The following MYH2 variants were observed in gnomAD, a reference collection of about 807,000 sequenced individuals.
MYH2 encodes the protein myosin heavy chain 2.
In MYH2, 139 loss-of-function variants were observed where a neutral mutation model predicts 228.1. The observed-to-expected ratio is 0.61, with a 90% CI of 0.53 to 0.70. The LOEUF is 0.70. Among genes scored for constraint, MYH2 ranks in the 30% least tolerant of loss-of-function variants. The pLI is 0.00. For synonymous variants in MYH2, 796 were observed against 871.1 expected, an observed-to-expected ratio of 0.91 and a Z score of 1.52; for missense variants, 1,809 against 2,357.5, an observed-to-expected ratio of 0.77 and a Z score of 4.82.
intron 4 of MYH2, 141 bp downstream of exon 4, chr17:10,547,334 A>C: frequency 8.8e-7 from 1 of 1,140,204 alleles, no homozygotes; most frequent in South Asian, 1.2e-5. Context: ...TTACGATAGC[A>C]ATCATGAAGC....
chr17:10,540,230 A>C (rs1167388969), intron 11 of MYH2, among the ~76,000 whole-genome samples, 164 bp from the exon 12 acceptor site: 1 of 152,176 alleles, frequency 6.6e-6, no homozygotes, highest in Non-Finnish European at 1.5e-5. Flanking sequence ...AGGCCAGCAC[A>C]GAGCATTAGA....
At position 10,523,156 on chromosome 17, in the gene MYH2, C is replaced by G. The variant is rs370387304; in HGVS notation, c.5607G>C (p.Arg1869Ser). The G allele has an allele frequency of 9.3e-6, 15 of 1,613,818 alleles. No individual in the cohort carries two copies. Among genetic ancestry groups the G allele is most frequent in the African/African-American group, 5.3e-5 (4 of 74,916 alleles). The change falls in exon 39 of 40, where the codon AGG becomes AGC. Residue 1869 changes from arginine to serine, a missense_variant. Physicochemically the swap from Arg to Ser is moderately radical, Grantham distance 110. Around this residue, in one of 9 missense-constraint regions of MYH2, gnomAD observed 278 missense variants for 308.5 expected, o/e 0.90. Transcript: ENST00000245503. ...QTEEDRKNIL[R>S]LQDLVDKLQA... ...GAAGTTTATCTACCAAATCTTGAAG[C>G]CTGAGAATATTCTTTCTATCTTCTT... is the stretch of plus-strand genomic sequence containing the variant.
At chr17:10,544,234 C>T in intron 5 of MYH2, 107 bp from the exon 6 acceptor site, 1 of 1,401,904 alleles carries the variant, frequency 7.1e-7, no homozygotes, top group South Asian at 1.2e-5. Flanking sequence ...GACTTTGCAA[C>T]CTTTAGGGCT....
rs369618095 is a variant in MYH2, at chr17:10,535,127, C to T, written c.2126G>A (p.Arg709His). The change falls in exon 19 of 40, where the codon CGC becomes CAC. Residue 709 changes from arginine (R) to histidine (H), a missense_variant. Transcript: ENST00000245503. ...LRCNGVLEGI[R>H]ICRKGFPSRI... is the part of the protein sequence containing the mutation. The stretch of plus-strand genomic sequence containing the variant: ...GCTTGGAAATCCTTTCCTACAGATG[C>T]GGATGCCTTCCAGCACACCGTTACA... The T allele has an allele frequency of 6.2e-6, 10 of 1,614,118 alleles. No individual in the cohort carries two copies. Among genetic ancestry groups the T allele is most frequent in the South Asian group, 1.1e-5 (1 of 91,082 alleles).
Position 10,525,124 on chromosome 17 carries a change from G to A in MYH2, c.4663-59C>T. 6.2e-7 allele frequency: 1 copy of A among 1,613,886 alleles called. No homozygotes were observed. The highest frequency in any genetic ancestry group is 8.5e-7 in the Non-Finnish European group (1 of 1,179,900). ...ACCAAAAGCTTTATGAAGTTTTTCT[G>A]CACAGCAATAATTTTGTGCTATGTG... On this transcript the variant is annotated intron_variant, in intron 33 of 39. Transcript: ENST00000245503. This position sits in a 1 kb window ranked among gnomAD's most constrained non-coding sequence, Gnocchi z 4.2.
Position 10,536,546 on chromosome 17 carries a change from A to T in MYH2, c.1958T>A (p.Val653Glu). The change falls in exon 17 of 40, where the codon GTG (valine) becomes GAG (glutamate). Residue 653 changes from valine to glutamate, a missense_variant. Val to Glu is a moderately radical substitution (Grantham distance 121). This residue lies in a region of MYH2 where 276 missense variants were observed against 344.2 expected (regional missense o/e 0.80). Transcript: ENST00000245503. ...CTTCCTTACTCTGAAAAGGGCAGAC[A>T]CTGTCTGGAAAGAAGAGCCCTTCTT... ...GKKKGSSFQT[V>E]SALFRENLNK... 1 of 1,613,888 alleles carries T rather than the reference A, an allele frequency of 6.2e-7. No individual in the cohort carries two copies. The highest frequency in any genetic ancestry group is 1.7e-5 in the Admixed American group (1 of 60,002).
In MYH2 at chr17:10,526,612, G is replaced by A; in HGVS notation, c.4174C>T (p.Leu1392=). The change falls in exon 30 of 40, where the codon CTG becomes TTG. Residue 1392 remains leucine (L), a synonymous_variant. Transcript: ENST00000245503. ...CTGTGCACATACTTGGCCTCCTCCA[G>A]CTCCTCTGTGCGCTGGATGGCGTCC... ...ETDAIQRTEE[L]EEAKKKLAQR... is the part of the protein sequence containing the mutation. 1 of 1,613,970 alleles carries A rather than the reference G, an allele frequency of 6.2e-7. No homozygotes were observed. Among genetic ancestry groups the A allele is most frequent in the Non-Finnish European group, 8.5e-7 (1 of 1,179,850 alleles).
At position 10,523,493 on chromosome 17, in the gene MYH2, C is replaced by A. The variant is rs200691436; in HGVS notation, c.5472+3G>T. ...GGAAATAGACAGATATTGGGAGACC[C>A]ACCCTGGCCTCCAGTTTCTGGATCT... On this transcript the variant is annotated splice_donor_region_variant and intron_variant, in intron 37 of 39. Transcript: ENST00000245503. The A allele has an allele frequency of 8.0e-5, 129 of 1,614,066 alleles. No individual in the cohort carries two copies. The African/African-American group carries it at 1.4e-3, about 18-fold the overall frequency.
Position 10,533,392 on chromosome 17 carries a change from G to A in MYH2, c.2334C>T (p.Leu778=), listed in dbSNP as rs560741797. 28 of 1,614,042 alleles carry A rather than the reference G, an allele frequency of 1.7e-5. No individual in the cohort carries two copies. The highest frequency in any genetic ancestry group is 2.3e-5 in the Non-Finnish European group (27 of 1,180,034). ...KVFFKAGLLG[L]LEEMRDDKLA... The stretch of plus-strand genomic sequence containing the variant: ...GCTTGTCATCTCGCATCTCCTCTAG[G>A]AGCCCCAGAAGACCAGCTTTGAAAA... Residue 778 remains leucine, a synonymous_variant, in exon 21 of 40, where the codon CTC becomes CTT. Transcript: ENST00000245503.
intron 14 of MYH2, 34 bp downstream of exon 14, chr17:10,539,171 G>C: frequency 6.2e-7 from 1 of 1,613,738 alleles, no homozygotes; most frequent in East Asian, 2.2e-5. Context: ...TTGCCTTACT[G>C]TAAAATCCTC....
rs1449334126 is a variant in MYH2 at position 10,528,940 on chromosome 17, G to C, written c.3494C>G (p.Ala1165Gly). 4.3e-6 allele frequency: 7 copies of C among 1,614,114 alleles called. No individual in the cohort carries two copies. Among genetic ancestry groups the C allele is most frequent in the Non-Finnish European group, 5.9e-6 (7 of 1,180,040 alleles). Reference sequence around the variant, plus strand: ...CCGCTTCTTGTTCATCTCAATCTGGGCTGAAGTGGCCCCACCGGCTTCTTC... The same window carrying C: ...CCGCTTCTTGTTCATCTCAATCTGGCCTGAAGTGGCCCCACCGGCTTCTTC... ...RLEEAGGATSAQIEMNKKREA... is the reference protein window; with the variant it reads ...RLEEAGGATSGQIEMNKKREA... The change falls in exon 27 of 40, where the codon GCC (alanine) becomes GGC (glycine). Residue 1165 changes from alanine to glycine, a missense_variant. Coordinates refer to ENST00000245503, the MANE Select transcript of MYH2 (RefSeq NM_017534.6).
intron 17 of MYH2, among the ~76,000 whole-genome samples, chr17:10,535,890 A>G (rs1367941692): frequency 6.6e-6 from 1 of 152,224 alleles, no homozygotes; most frequent in African/African-American, 2.4e-5. Flanking sequence ...ATACCATATT[A>G]GCTGCACTGC....
chr17:10,522,336 A>C (rs1037151226), intron 39 of MYH2, among the ~76,000 whole-genome samples: 1 of 152,210 alleles, frequency 6.6e-6, no homozygotes, highest in African/African-American at 2.4e-5. Context: ...ATATTAAAAA[A>C]TAATCCTCTA....
Position 10,523,500 on chromosome 17 carries a change from G to A in MYH2, c.5468C>T (p.Ala1823Val). The A allele has an allele frequency of 1.9e-6, 3 of 1,614,136 alleles. No individual in the cohort carries two copies. The highest frequency in any genetic ancestry group is 1.7e-6 in the Non-Finnish European group (2 of 1,180,028). The change falls in exon 37 of 40, where the codon GCC becomes GTC. Residue 1823 changes from alanine to valine, a missense_variant. Physicochemically the swap from Ala to Val is moderately conservative, Grantham distance 64. Transcript: ENST00000245503. ...GGKKQIQKLEARVRELEGEVE... is the reference protein window; with the variant it reads ...GGKKQIQKLEVRVRELEGEVE... ...GACAGATATTGGGAGACCCACCCTG[G>A]CCTCCAGTTTCTGGATCTGCTTCTT...
chr17:10,528,568 T>G, intron 27 of MYH2, 122 bp downstream of exon 27: 9 of 1,395,616 alleles, frequency 6.4e-6, no homozygotes, highest in Non-Finnish European at 7.9e-6. Flanking sequence ...TGATTTTTTG[T>G]GCTTACTTCC....
intron 39 of MYH2, 152 bp from the exon 40 acceptor site, chr17:10,521,584 TA>T: frequency 2.4e-6 from 1 of 414,936 alleles, no homozygotes; most frequent in Non-Finnish European, 4.3e-6. Flanking sequence ...TGATGTCATA[TA>T]TATATATATA....
chr17:10,531,595 T>C, intron 22 of MYH2, 38 bp downstream of exon 22: 1 of 1,614,118 alleles, frequency 6.2e-7, no homozygotes, highest in Non-Finnish European at 8.5e-7. Flanking sequence ...AGCACCTGCA[T>C]CCTGGTTAGT....
chr17:10,544,196 T>C, intron 5 of MYH2, 69 bp from the exon 6 acceptor site: 1 of 1,562,050 alleles, frequency 6.4e-7, no homozygotes, highest in Non-Finnish European at 8.8e-7. Context: ...TAAAGTAAAA[T>C]GGAATGAACT....
intron 11 of MYH2, among the ~76,000 whole-genome samples, chr17:10,540,277 A>G (rs1457719278): frequency 1.3e-5 from 2 of 152,016 alleles, no homozygotes; most frequent in Non-Finnish European, 2.9e-5. Flanking sequence ...TCAAAACGGG[A>G]ACTTAGAACA....
Sources: gnomAD v4.1 joint callset for allele counts (sites outside exome capture counted in the v4.1 genomes callset) on GRCh38, gnomAD v4.1.1 for gene constraint, gnomAD v4.1.1 regional missense constraint, Gnocchi (gnomAD v3.1) non-coding constraint, MANE v1.5 for transcripts, NCBI Gene and HGNC (gene_info 2026-07-23, HGNC 2026-07-21) for gene names.